Variants in ESRRG observed in about 807,000 individuals in gnomAD.
The protein encoded by ESRRG is estrogen related receptor gamma.
A neutral mutation model predicts 44.0 loss-of-function variants in ESRRG; 13 were observed. That is an observed-to-expected ratio of 0.30 (90% CI 0.19 to 0.47). The LOEUF (loss-of-function observed/expected upper bound fraction) is 0.47. Ranked by LOEUF, ESRRG falls within the 20% of genes least tolerant of loss-of-function variation. ESRRG has a pLI of 1.00. For missense variants in ESRRG, 395 were observed against 580.6 expected (o/e 0.68, Z 3.29); for synonymous variants, 215 against 214.6 (o/e 1.00, Z -0.02).
intron 3 of ESRRG, among the ~76,000 whole-genome samples, chr1:216,593,835 T>A (rs1000619699): frequency 6.6e-6 from 1 of 152,080 alleles, no homozygotes; most frequent in African/African-American, 2.4e-5. Flanking sequence ...TGCCTCCTGG[T>A]CTCACCCACC....
chr1:217,106,398 A>G lies in ESRRG; in HGVS notation c.-230+31269T>C, dbSNP rs866396368. Among the ~76,000 whole-genome samples the G allele has an allele frequency of 4.6e-4, 69 of 151,374 alleles. No individual in the cohort carries two copies. The South Asian group carries it at 5.4e-3, about 12-fold the overall frequency. ...TATTCACACACTCACATATGCACAC[A>G]CACACACACACACACACACACGACC... On this transcript the variant is annotated intron_variant, in intron 1 of 8. Coordinates refer to the ESRRG transcript ENST00000366940.
chr1:216,849,138 T>C (rs755015892), intron 2 of ESRRG, among the ~76,000 whole-genome samples: 1 of 152,168 alleles, frequency 6.6e-6, no homozygotes, highest in Non-Finnish European at 1.5e-5. Flanking sequence ...ATATTTTCCA[T>C]TAAAAAATAA....
chr1:217,097,996 C>G (rs563369407), intron 1 of ESRRG, among the ~76,000 whole-genome samples: 1 of 152,272 alleles, frequency 6.6e-6, no homozygotes, highest in Admixed American at 6.5e-5. Context: ...GGGTGGGAAC[C>G]AGGCAATAGT....
chr1:217,003,752 C>T (rs888173109), intron 1 of ESRRG, among the ~76,000 whole-genome samples: 1 of 151,460 alleles, frequency 6.6e-6, no homozygotes. Context: ...ATCAGATTAC[C>T]CATAATATTT....
At chr1:216,643,195 T>C (rs928217702) in intron 3 of ESRRG, among the ~76,000 whole-genome samples, 1 of 152,202 alleles carries the variant, frequency 6.6e-6, no homozygotes, top group African/African-American at 2.4e-5. Context: ...AGAGATGTAA[T>C]GGCAGTTAAA....
intron 2 of ESRRG, among the ~76,000 whole-genome samples, chr1:216,661,387 C>A (rs557441638): frequency 6.6e-6 from 1 of 152,268 alleles, no homozygotes; most frequent in Admixed American, 6.5e-5. Flanking sequence ...TTTAAACAAC[C>A]TTGATGCAAG....
chr1:217,121,918 T>C (rs1285648036), intron 1 of ESRRG, among the ~76,000 whole-genome samples: 2 of 152,212 alleles, frequency 1.3e-5, no homozygotes, highest in African/African-American at 2.4e-5. Context: ...AAGTTCTTGA[T>C]GGTGTAATAG....
At chr1:216,805,162 A>G (rs2094748649) in intron 2 of ESRRG, 1 of 152,160 alleles carries the variant, frequency 6.6e-6, no homozygotes, top group Non-Finnish European at 1.5e-5. Context: ...TGTCTCTTAG[A>G]TCAAATTCAG....
intron 2 of ESRRG, among the ~76,000 whole-genome samples, chr1:216,901,047 C>T (rs1021146445): frequency 6.6e-6 from 1 of 152,140 alleles, no homozygotes; most frequent in Non-Finnish European, 1.5e-5. Flanking sequence ...TTCATTGCTG[C>T]TGGGGGTTGC....
At chr1:216,747,413 G>A (rs1340003449) in intron 2 of ESRRG, among the ~76,000 whole-genome samples, 1 of 152,058 alleles carries the variant, frequency 6.6e-6, no homozygotes, top group African/African-American at 2.4e-5. Flanking sequence ...CATTCATATG[G>A]CTCTGTTCCT....
chr1:216,836,093 CAAA>C (rs34241468), intron 2 of ESRRG, among the ~76,000 whole-genome samples: 3 of 97,780 alleles, frequency 3.1e-5, no homozygotes, highest in African/African-American at 3.4e-5. Flanking sequence ...GCTGCGATTT[CAAA>C]AAAAAAAAAA....
At chr1:216,683,014 T>A (rs1256016275) in intron 1 of ESRRG, among the ~76,000 whole-genome samples, 1 of 152,186 alleles carries the variant, frequency 6.6e-6, no homozygotes, top group Non-Finnish European at 1.5e-5. Context: ...AAGTGTCATG[T>A]CAGAAATCAA....
intron 1 of ESRRG, among the ~76,000 whole-genome samples, chr1:216,700,957 A>G (rs188572002): frequency 6.6e-6 from 1 of 152,270 alleles, no homozygotes; most frequent in East Asian, 1.9e-4. Flanking sequence ...TCACACATGC[A>G]AAAGAAATAG....
At chr1:216,625,423 CAA>C (rs57817803) in intron 3 of ESRRG, among the ~76,000 whole-genome samples, 1,292 of 115,616 alleles carry the variant, frequency 0.011, 11 homozygotes, top group Non-Finnish European at 0.015. Flanking sequence ...GCTCATTTGG[CAA>C]AAAAAAAAAA....
At chr1:216,946,094 C>T (rs1189750438) in intron 1 of ESRRG, among the ~76,000 whole-genome samples, 2 of 152,172 alleles carry the variant, frequency 1.3e-5, no homozygotes, top group East Asian at 3.8e-4. Flanking sequence ...TCTGTCATTA[C>T]CAGTTTTAGT....
chr1:217,017,847 A>G (rs1175567873), intron 1 of ESRRG, among the ~76,000 whole-genome samples: 1 of 152,200 alleles, frequency 6.6e-6, no homozygotes, highest in Non-Finnish European at 1.5e-5. Flanking sequence ...GGCACACATC[A>G]TCGATTGCAT....
chr1:216,523,600 C>T (rs545873066), intron 5 of ESRRG, among the ~76,000 whole-genome samples: 5 of 150,932 alleles, frequency 3.3e-5, no homozygotes, highest in South Asian at 2.1e-4. Flanking sequence ...AAATATCTGA[C>T]GGCTAGTCTT....
Position 216,722,091 on chromosome 1 carries a change from A to G in ESRRG, c.56+1153T>C, listed in dbSNP as rs79668386. Among the ~76,000 whole-genome samples the G allele has an allele frequency of 8.7e-3, 1,318 of 152,354 alleles. 12 individuals carry two copies. Among genetic ancestry groups the G allele is most frequent in the African/African-American group, 0.03 (1,259 of 41,574 alleles). Reference sequence around the variant, plus strand: ...CTTTTCATCTCTTACTTAATTACAAAGCAATGCAATATGCAGTCACTAAGG... The same window carrying G: ...CTTTTCATCTCTTACTTAATTACAAGGCAATGCAATATGCAGTCACTAAGG... On this transcript the variant is annotated intron_variant, in intron 1 of 6. Transcript: ENST00000408911.
rs540583743 is a variant in ESRRG at position 216,973,691 on chromosome 1, C to T, written c.-105-34018G>A. On this transcript the variant is annotated intron_variant, in intron 1 of 7. Transcript: ENST00000359162. ...AAAATACAAAATTAGCTGGGTGTGGCGGTACATGGTTTTAATCCCAGCTAC... is the reference window on the plus strand; with the variant it reads ...AAAATACAAAATTAGCTGGGTGTGGTGGTACATGGTTTTAATCCCAGCTAC... Among the ~76,000 whole-genome samples, 13 of 151,922 alleles carry T rather than the reference C, an allele frequency of 8.6e-5. 1 individual carries two copies. In the South Asian group the frequency reaches 1.7e-3, roughly 19 times the overall value.
Sources: allele counts gnomAD v4.1 joint callset (sites outside exome capture counted in the v4.1 genomes callset), GRCh38; gene constraint gnomAD v4.1.1; transcripts MANE v1.5; gene names NCBI Gene and HGNC (gene_info 2026-07-23, HGNC 2026-07-21).